The following LILRB2 variants were observed in gnomAD, a reference collection of about 807,000 sequenced individuals.
LILRB2 encodes leukocyte immunoglobulin-like receptor subfamily B member 2.
A neutral mutation model predicts 72.7 loss-of-function variants in LILRB2; 47 were observed. The ratio of observed to expected loss-of-function variants is 0.65; its 90% CI spans 0.51 to 0.82. The LOEUF (loss-of-function observed/expected upper bound fraction) is 0.82. Among genes scored for constraint, LILRB2 ranks in the 40% least tolerant of loss-of-function variants. The probability of loss-of-function intolerance (pLI) is 0.00; values close to 1 mark genes in which losing one functional copy is unlikely to be tolerated. For synonymous variants in LILRB2, 279 were observed against 313.7 expected (o/e 0.89, Z 1.17); for missense variants, 767 against 764.8 (o/e 1.00, Z -0.03).
In LILRB2 at chr19:54,279,629, G is replaced by C; in HGVS notation, c.374C>G (p.Thr125Ser). Residue 125 changes from threonine (T) to serine (S), a missense_variant, in exon 5 of 14, where the codon ACC becomes AGC. Around this residue, in one of 3 missense-constraint regions of LILRB2, gnomAD observed 599 missense variants for 568.2 expected, o/e 1.05. Transcript: ENST00000314446. ...LVMTGAYPKP[T>S]LSAQPSPVVT... ...CACAGGGCTGGGCTGGGCTGAGAGGGTGGGTTTTGGGTAGGCTCCTAGGAG... is the reference window on the plus strand; with the variant it reads ...CACAGGGCTGGGCTGGGCTGAGAGGCTGGGTTTTGGGTAGGCTCCTAGGAG... 3 of 1,606,030 alleles carry C rather than the reference G, an allele frequency of 1.9e-6. No homozygotes were observed. The highest frequency in any genetic ancestry group is 2.6e-6 in the Non-Finnish European group (3 of 1,173,846).
Position 54,281,044 on chromosome 19 carries a change from G to A in LILRB2, c.-132C>T, listed in dbSNP as rs550907450. 1.9e-4 allele frequency: 99 copies of A among 509,252 alleles called. No homozygotes were observed. Among genetic ancestry groups the A allele is most frequent in the African/African-American group, 1.3e-3 (67 of 51,520 alleles). The allele number at this position is 509,252 out of a possible 1,614,324, so 31.5% of individuals were successfully genotyped here. ...CAGGCAGACTCAGATCAGCAGAGAA[G>A]CATCTCGCCTCTGGCTGTGCTGTCC... is the stretch of plus-strand genomic sequence containing the variant. On this transcript the variant is annotated 5_prime_UTR_variant, in exon 1 of 14. Coordinates refer to ENST00000314446, the MANE Select transcript of LILRB2 (RefSeq NM_001080978.4).
In LILRB2 at chr19:54,277,465, C is replaced by T. The variant is rs963763772; in HGVS notation, c.1357+85G>A. ...GGGAGGAGCCTGTCTACATCACCAC[C>T]TCCAGAGGAGCCTGAACCTAGGACA... is the stretch of plus-strand genomic sequence containing the variant. On this transcript the variant is annotated intron_variant, in intron 9 of 13. Coordinates refer to ENST00000314446, the MANE Select transcript of LILRB2 (RefSeq NM_001080978.4). The T allele has an allele frequency of 2.6e-6, 4 of 1,534,566 alleles. No homozygotes were observed. In the African/African-American group the frequency reaches 4.1e-5, roughly 16 times the overall value.
In LILRB2 at chr19:54,276,793, C is replaced by A. The variant is rs1473998837; in HGVS notation, c.1480+14G>T. On this transcript the variant is annotated intron_variant, in intron 10 of 13. Transcript: ENST00000314446. ...CCCTCGGTCGGCCCACAGGGTTTCC[C>A]CTTCCCTACTCACTCGATGTCCAGT... 1.2e-6 allele frequency: 2 copies of A among 1,611,960 alleles called. No individual in the cohort carries two copies. Among genetic ancestry groups the A allele is most frequent in the Admixed American group, 1.7e-5 (1 of 59,938 alleles).
At position 54,275,650 on chromosome 19, in the gene LILRB2, G is replaced by A. The variant is rs181443334; in HGVS notation, c.1647+301C>T. Reference sequence around the variant, plus strand: ...ACACTCACTGGTTGAATGAATGAAGGGGAGCCCAGGGGACCGGGGTGGTTC... The same window carrying A: ...ACACTCACTGGTTGAATGAATGAAGAGGAGCCCAGGGGACCGGGGTGGTTC... On this transcript the variant is annotated intron_variant, in intron 13 of 13. Transcript: ENST00000314446. The A allele has an allele frequency of 6.7e-4, 378 of 560,180 alleles. 5 individuals are homozygous for A. In the East Asian group the frequency reaches 0.01, roughly 15 times the overall value. 34.7% of individuals were successfully genotyped at this position (560,180 alleles called of 1,614,324 possible). A position where few individuals can be genotyped will look rare whatever the true frequency, so the allele number is the denominator to read the frequency against.
At chr19:54,277,471 A>T in intron 9 of LILRB2, 79 bp downstream of exon 9, 1 of 1,537,824 alleles carries the variant, frequency 6.5e-7, no homozygotes, top group Admixed American at 2.0e-5. Flanking sequence ...CCACCTCCAG[A>T]GGAGCCTGAA....
chr19:54,279,715 G>T, intron 4 of LILRB2, 68 bp from the exon 5 acceptor site: 2 of 1,606,534 alleles, frequency 1.2e-6, no homozygotes, highest in Non-Finnish European at 1.7e-6. Flanking sequence ...GGGCTGGGCT[G>T]TGAGAGGGAG....
chr19:54,278,904 C>G lies in LILRB2; in HGVS notation c.863G>C (p.Arg288Pro), dbSNP rs779866193. 2.3e-5 allele frequency: 37 copies of G among 1,613,556 alleles called. No individual in the cohort carries two copies. Among genetic ancestry groups the G allele is most frequent in the South Asian group, 1.7e-4 (15 of 90,750 alleles). Residue 288 changes from arginine (R) to proline (P), a missense_variant, in exon 6 of 14, where the codon CGC (arginine) becomes CCC (proline). Coordinates refer to ENST00000314446, the MANE Select transcript of LILRB2 (RefSeq NM_001080978.4). ...GCATCTGTACTGGCCCCCGTAGGAGCGGCTCACAGGGCCCAGGGTGAAGTT... is the reference window on the plus strand; with the variant it reads ...GCATCTGTACTGGCCCCCGTAGGAGGGGCTCACAGGGCCCAGGGTGAAGTT... Reference protein sequence around the residue: ...QANFTLGPVSRSYGGQYRCYG... With the variant: ...QANFTLGPVSPSYGGQYRCYG...
In LILRB2 at chr19:54,280,538, C is replaced by G; in HGVS notation, c.-42G>C. 2 of 1,613,928 alleles carry G rather than the reference C, an allele frequency of 1.2e-6. No individual in the cohort carries two copies. The highest frequency in any genetic ancestry group is 1.7e-6 in the Non-Finnish European group (2 of 1,179,924). ...GCCCTGCTCTGCGGATGGATGAGCCCTCGGTGCTGGCGGGACAGAGACACA... is the reference window on the plus strand; with the variant it reads ...GCCCTGCTCTGCGGATGGATGAGCCGTCGGTGCTGGCGGGACAGAGACACA... On this transcript the variant is annotated 5_prime_UTR_variant, in exon 2 of 14. Transcript: ENST00000314446.
Position 54,280,509 on chromosome 19 carries a change from C to T in LILRB2, c.-13G>A, listed in dbSNP as rs746935343. Reference sequence around the variant, plus strand: ...CGATGGGGGTCATGGCGTCTCCTCCCACTGCCCTGCTCTGCGGATGGATGA... The same window carrying T: ...CGATGGGGGTCATGGCGTCTCCTCCTACTGCCCTGCTCTGCGGATGGATGA... On this transcript the variant is annotated 5_prime_UTR_variant, in exon 2 of 14. Coordinates refer to ENST00000314446, the MANE Select transcript of LILRB2 (RefSeq NM_001080978.4). 1.2e-6 allele frequency: 2 copies of T among 1,613,888 alleles called. No homozygotes were observed. Among genetic ancestry groups the T allele is most frequent in the East Asian group, 2.2e-5 (1 of 44,876 alleles).
At position 54,279,855 on chromosome 19, in the gene LILRB2, G is replaced by A. The variant is rs1301139918; in HGVS notation, c.291C>T (p.Gly97=). 2 of 1,614,052 alleles carry A rather than the reference G, an allele frequency of 1.2e-6. No homozygotes were observed. The highest frequency in any genetic ancestry group is 1.3e-5 in the African/African-American group (1 of 74,912). ...SITWEHTGRY[G]CQYYSRARWS... ...ACCGAGCGCGGCTGTAATACTGACAGCCATATCGCCCTGTGTGTTCCCAGG... is the reference window on the plus strand; with the variant it reads ...ACCGAGCGCGGCTGTAATACTGACAACCATATCGCCCTGTGTGTTCCCAGG... The change falls in exon 4 of 14, where the codon GGC becomes GGT. Residue 97 remains glycine (G), a synonymous_variant. Coordinates refer to ENST00000314446, the MANE Select transcript of LILRB2 (RefSeq NM_001080978.4).
rs2080412650 is a variant in LILRB2 at position 54,279,063 on chromosome 19, A to G, written c.704T>C (p.Met235Thr). 1 of 1,614,182 alleles carries G rather than the reference A, an allele frequency of 6.2e-7. No individual in the cohort carries two copies. The highest frequency in any genetic ancestry group is 8.5e-7 in the Non-Finnish European group (1 of 1,179,994). Residue 235 changes from methionine (M) to threonine (T), a missense_variant, in exon 6 of 14, where the codon ATG (methionine) becomes ACG (threonine). Physicochemically the swap from Met to Thr is moderately conservative, Grantham distance 81 (BLOSUM62 -1). Transcript: ENST00000314446. ...PSLSVQPGPV[M>T]APGESLTLQC... Reference sequence around the variant, plus strand: ...GAGGGTCAGGCTTTCCCCAGGGGCCATGACAGGACCCGGCTGCACTGAGAG... The same window carrying G: ...GAGGGTCAGGCTTTCCCCAGGGGCCGTGACAGGACCCGGCTGCACTGAGAG...
rs1188224062 is a variant in LILRB2, at chr19:54,276,995, G to A, written c.1358-66C>T. The A allele has an allele frequency of 1.7e-5, 26 of 1,545,948 alleles. No individual in the cohort carries two copies. The East Asian group carries it at 5.7e-4, about 34-fold the overall frequency. ...AAATGAGCGCCTACTGTGTGCAGGT[G>A]ACTGCTGGACCTTCTGTTCACCACC... On this transcript the variant is annotated intron_variant, in intron 9 of 13. Transcript: ENST00000314446.
chr19:54,278,785 C>A (rs775427888), intron 6 of LILRB2, 27 bp downstream of exon 6: 140 of 1,610,412 alleles, frequency 8.7e-5, no homozygotes, highest in Admixed American at 1.2e-4. Flanking sequence ...AGTCTGGGTC[C>A]CTGACTGAAC....
chr19:54,277,656 G>A (rs1262313267), intron 8 of LILRB2, 59 bp from the exon 9 acceptor site: 16 of 1,523,942 alleles, frequency 1.0e-5, no homozygotes, highest in Non-Finnish European at 1.2e-5. Flanking sequence ...ACATCAGCCC[G>A]GCTGCTCCTC....
rs150441991 is a variant in LILRB2 at position 54,278,442 on chromosome 19, G to A, written c.1076C>T (p.Ala359Val). ...ACGGAGTGGGGCATCAGCTGCTCCC[G>A]CCTTGGTCAGAAGGAAAGTGTGGAA... is the stretch of plus-strand genomic sequence containing the variant. ...RQFHTFLLTK[A>V]GAADAPLRLR... The change falls in exon 7 of 14, where the codon GCG (alanine) becomes GTG (valine). Residue 359 changes from alanine to valine, a missense_variant. Ala to Val is a moderately conservative substitution (Grantham distance 64). Coordinates refer to ENST00000314446, the MANE Select transcript of LILRB2 (RefSeq NM_001080978.4). 3.3e-4 allele frequency: 529 copies of A among 1,599,028 alleles called. No individual in the cohort carries two copies. Among genetic ancestry groups the A allele is most frequent in the Non-Finnish European group, 4.3e-4 (507 of 1,169,652 alleles).
chr19:54,275,135 G>T, intron 13 of LILRB2: 1 of 1,537,530 alleles, frequency 6.5e-7, no homozygotes, highest in Non-Finnish European at 8.9e-7. Context: ...TTTCCTCACT[G>T]TTCCCGGGGT....
Position 54,275,139 on chromosome 19 carries a change from C to A in LILRB2, c.1648-310G>T. Reference sequence around the variant, plus strand: ...CTGGAGTCAATTTTCCTCACTGTTCCCGGGGTGATCCGATTACATCCCTTT... The same window carrying A: ...CTGGAGTCAATTTTCCTCACTGTTCACGGGGTGATCCGATTACATCCCTTT... On this transcript the variant is annotated intron_variant, in intron 13 of 13. Transcript: ENST00000314446. The A allele has an allele frequency of 2.0e-6, 3 of 1,528,508 alleles. No homozygotes were observed. The South Asian group carries it at 3.7e-5, about 19-fold the overall frequency. 94.7% of individuals were successfully genotyped at this position (1,528,508 alleles called of 1,614,324 possible). A position where few individuals can be genotyped will look rare whatever the true frequency, so the allele number is the denominator to read the frequency against.
At chr19:54,275,867 G>T in intron 13 of LILRB2, 84 bp downstream of exon 13, 2 of 1,529,118 alleles carry the variant, frequency 1.3e-6, no homozygotes, top group Non-Finnish European at 9.0e-7. Flanking sequence ...GCTGAGAGCC[G>T]GGGGAAGGAG....
chr19:54,278,738 C>A, intron 6 of LILRB2, 74 bp downstream of exon 6: 1 of 1,587,006 alleles, frequency 6.3e-7, no homozygotes. Flanking sequence ...TCATCCTGGC[C>A]ATCACTAATT....
Sources: allele counts gnomAD v4.1 joint callset, GRCh38; gene constraint gnomAD v4.1.1; regional missense constraint gnomAD v4.1.1; transcripts MANE v1.5; gene names NCBI Gene and HGNC (gene_info 2026-07-23, HGNC 2026-07-21).